The following LMNTD1 variants were observed in gnomAD, a reference collection of about 807,000 sequenced individuals.
LMNTD1 encodes the protein lamin tail domain-containing protein 1.
Under a neutral mutation model 50.9 loss-of-function variants are expected in LMNTD1, and 35 were observed. The ratio of observed to expected loss-of-function variants is 0.69; its 90% CI spans 0.53 to 0.91. The LOEUF is 0.91. Among genes scored for constraint, LMNTD1 ranks in the 40% least tolerant of loss-of-function variants. LMNTD1 has a pLI of 0.00. For missense variants in LMNTD1, 470 were observed against 475.5 expected (o/e 0.99, Z 0.11); for synonymous variants, 153 against 161.9 (o/e 0.94, Z 0.42).
chr12:25,586,807 C>T (rs1592076382), intron 1 of LMNTD1, among the ~76,000 whole-genome samples: 1 of 152,304 alleles, frequency 6.6e-6, no homozygotes, highest in East Asian at 1.9e-4. Flanking sequence ...GTCAGTCAAG[C>T]CAATCCTAAC....
At chr12:25,644,293 T>C (rs1389712481) in intron 1 of LMNTD1, among the ~76,000 whole-genome samples, 1 of 121,968 alleles carries the variant, frequency 8.2e-6, no homozygotes, top group Non-Finnish European at 1.6e-5. Context: ...ATGGGCAACA[T>C]AGTGATATCC....
chr12:25,500,686 T>A, intron 9 of LMNTD1, among the ~76,000 whole-genome samples: 2 of 152,176 alleles, frequency 1.3e-5, no homozygotes, highest in East Asian at 3.8e-4. Flanking sequence ...ATCCTCAGTA[T>A]TTCCTAGCAA....
intron 8 of LMNTD1, among the ~76,000 whole-genome samples, chr12:25,504,045 A>G (rs1939555092): frequency 6.6e-6 from 1 of 152,248 alleles, no homozygotes; most frequent in African/African-American, 2.4e-5. Context: ...ATGAAGTTCA[A>G]GTTTCCAATG....
intron 9 of LMNTD1, among the ~76,000 whole-genome samples, chr12:25,482,211 G>T (rs1455360230): frequency 6.6e-6 from 1 of 151,958 alleles, no homozygotes; most frequent in Admixed American, 6.6e-5. Flanking sequence ...TGATGAACTG[G>T]CTGTGTTTGA....
intron 1 of LMNTD1, among the ~76,000 whole-genome samples, chr12:25,587,071 A>G (rs1945551888): frequency 6.6e-6 from 1 of 151,844 alleles, no homozygotes; most frequent in African/African-American, 2.4e-5. Context: ...TTTCTATTCA[A>G]CCTCTTAAAA....
chr12:25,591,843 G>GAGAGAC, intron 1 of LMNTD1, among the ~76,000 whole-genome samples: 1 of 146,414 alleles, frequency 6.8e-6, no homozygotes, highest in East Asian at 1.9e-4. Context: ...GAGAGAGAGA[G>GAGAGAC]AGAGAGAGAG....
chr12:25,643,038 A>T (rs890495714), intron 1 of LMNTD1, among the ~76,000 whole-genome samples: 1 of 152,232 alleles, frequency 6.6e-6, no homozygotes, highest in Non-Finnish European at 1.5e-5. Context: ...ATAGCACAAG[A>T]TCATAGCCTT....
chr12:25,543,123 A>G (rs1034804944), intron 4 of LMNTD1, among the ~76,000 whole-genome samples: 1 of 152,074 alleles, frequency 6.6e-6, no homozygotes, highest in Non-Finnish European at 1.5e-5. Context: ...AAAACAATTT[A>G]TAGTTTTAAA....
intron 1 of LMNTD1, among the ~76,000 whole-genome samples, chr12:25,581,315 C>T (rs755269): frequency 0.019 from 2,918 of 152,272 alleles, 68 homozygotes; most frequent in African/African-American, 0.059. Context: ...CATCTGGATT[C>T]ATTTTCAATG....
At chr12:25,481,337 A>T (rs1449069188) in intron 9 of LMNTD1, among the ~76,000 whole-genome samples, 2 of 152,034 alleles carry the variant, frequency 1.3e-5, no homozygotes, top group East Asian at 3.8e-4. Context: ...TACAAGCTTC[A>T]TGAAGACAGA....
chr12:25,507,362 C>T (rs1939874646), intron 8 of LMNTD1, among the ~76,000 whole-genome samples: 1 of 152,204 alleles, frequency 6.6e-6, no homozygotes, highest in African/African-American at 2.4e-5. Flanking sequence ...TCTGTTCTGG[C>T]TGTGATTTTT....
intron 1 of LMNTD1, among the ~76,000 whole-genome samples, chr12:25,583,574 C>T (rs899162011): frequency 6.6e-6 from 1 of 152,050 alleles, no homozygotes; most frequent in Non-Finnish European, 1.5e-5. Flanking sequence ...CTTGGATTTC[C>T]CCGTATCTTT....
chr12:25,628,372 T>G (rs1380264258), intron 1 of LMNTD1, among the ~76,000 whole-genome samples: 2 of 152,170 alleles, frequency 1.3e-5, no homozygotes, highest in Non-Finnish European at 2.9e-5. Context: ...TCTAGCTCTA[T>G]CTCACACTAG....
At chr12:25,575,698 T>TA (rs10667088) in intron 1 of LMNTD1, among the ~76,000 whole-genome samples, 8 of 151,758 alleles carry the variant, frequency 5.3e-5, no homozygotes, top group Non-Finnish European at 1.2e-4. Flanking sequence ...TCTTTTTTTT[T>TA]ATAATTATAC....
intron 1 of LMNTD1, among the ~76,000 whole-genome samples, chr12:25,619,246 C>CTATATATATATATATATA (rs1401057071): frequency 1.3e-5 from 1 of 76,214 alleles, no homozygotes. Flanking sequence ...CTCTCTCTCT[C>CTATATATATATATATATA]TCTCTCTATA....
chr12:25,637,911 A>G (rs75013004), intron 1 of LMNTD1, among the ~76,000 whole-genome samples: 1,979 of 152,172 alleles, frequency 0.013, 60 homozygotes, highest in African/African-American at 0.046. Flanking sequence ...CAAGAAAACC[A>G]CAGACTAATA....
At chr12:25,648,336 A>C (rs1313414494) in intron 1 of LMNTD1, among the ~76,000 whole-genome samples, 1 of 152,166 alleles carries the variant, frequency 6.6e-6, no homozygotes, top group African/African-American at 2.4e-5. Context: ...CATTTTTATT[A>C]CTTTAGAAAT....
At chr12:25,563,846 G>T (rs1944440025) in intron 1 of LMNTD1, among the ~76,000 whole-genome samples, 1 of 152,148 alleles carries the variant, frequency 6.6e-6, no homozygotes, top group Non-Finnish European at 1.5e-5. Flanking sequence ...CAGCAATGGT[G>T]GGCGCCCCTC....
At position 25,518,883 on chromosome 12, in the gene LMNTD1, A is replaced by G; in HGVS notation, c.1101T>C (p.Pro367=). The change falls in exon 8 of 10, where the codon CCT becomes CCC. Residue 367 remains proline, a synonymous_variant. Transcript: ENST00000458174. ...TGGATGTATTGTGTGGTTCAATCAG[A>G]GGACAGTAAGGATGTGCAGAGACAT... The part of the protein sequence containing the change: ...NPYVSAHPYC[P]LIEPHNTSTA... The G allele has an allele frequency of 6.2e-7, 1 of 1,614,062 alleles. No homozygotes were observed. The highest frequency in any genetic ancestry group is 8.5e-7 in the Non-Finnish European group (1 of 1,179,992).
Sources: allele counts gnomAD v4.1 joint callset (sites outside exome capture counted in the v4.1 genomes callset), GRCh38; gene constraint gnomAD v4.1.1; transcripts MANE v1.5; gene names NCBI Gene and HGNC (gene_info 2026-07-23, HGNC 2026-07-21).